RTL4: variants seen among roughly 807,000 people sequenced by gnomAD.
RTL4 encodes retrotransposon Gag-like protein 4.
In RTL4, 4 loss-of-function variants were observed where a neutral mutation model predicts 5.3. That is an observed-to-expected ratio of 0.75 (90% CI 0.37 to 1.72). RTL4 has a LOEUF of 1.72. Ranked by LOEUF, RTL4 falls within the 40% of genes most tolerant of loss-of-function variation. The probability of loss-of-function intolerance (pLI) is 0.04; values close to 1 mark genes in which losing one functional copy is unlikely to be tolerated. For synonymous variants in RTL4, 98 were observed against 87.3 expected (o/e 1.12, Z -0.68); for missense variants, 260 against 227.1 (o/e 1.14, Z -0.93).
the RTL4 span, among the ~76,000 whole-genome samples, chrX:112,258,210 G>A: frequency 1.8e-5 from 2 of 110,171 alleles, no homozygotes; most frequent in Non-Finnish European, 3.8e-5. Context: ...TGAAATTGGT[G>A]CATACATATC....
At chrX:112,437,613 G>C in the RTL4 span, among the ~76,000 whole-genome samples, 1 of 110,924 alleles carries the variant, frequency 9.0e-6, no homozygotes, top group Non-Finnish European at 1.9e-5. Flanking sequence ...AATAGACTTG[G>C]GTTTGAATCT....
chrX:112,320,080 C>T, the RTL4 span: 1 of 112,090 alleles, frequency 8.9e-6, no homozygotes. Flanking sequence ...CAAACTGAGA[C>T]ATATGCTGAG....
At chrX:112,177,223 C>G in the RTL4 span, among the ~76,000 whole-genome samples, 1 of 111,089 alleles carries the variant, frequency 9.0e-6, no homozygotes, top group African/African-American at 3.3e-5. Flanking sequence ...ATTGCTGGAT[C>G]ATATGGTTGT....
the RTL4 span, among the ~76,000 whole-genome samples, chrX:112,179,155 A>G: frequency 1.8e-5 from 2 of 111,167 alleles, no homozygotes; most frequent in Non-Finnish European, 3.8e-5. Context: ...TGTGGCCCAC[A>G]GTTCTTCATT....
At chrX:112,152,969 G>A in the RTL4 span, among the ~76,000 whole-genome samples, 106 of 111,512 alleles carry the variant, frequency 9.5e-4, no homozygotes, top group East Asian at 0.016. Flanking sequence ...TTGCCTAAAA[G>A]CATTCTAGAG....
At chrX:112,415,146 C>T in the RTL4 span, among the ~76,000 whole-genome samples, 2 of 111,177 alleles carry the variant, frequency 1.8e-5, no homozygotes, top group Non-Finnish European at 3.8e-5. Context: ...TCAAAATGAA[C>T]ACACTCATAT....
chrX:112,263,321 A>G, the RTL4 span, among the ~76,000 whole-genome samples: 506 of 111,048 alleles, frequency 4.6e-3, 4 homozygotes, highest in African/African-American at 0.016. Context: ...CTTGGAGCAC[A>G]ACACAGTTTG....
the RTL4 span, among the ~76,000 whole-genome samples, chrX:112,143,574 G>A: frequency 8.9e-6 from 1 of 111,759 alleles, no homozygotes; most frequent in East Asian, 2.8e-4. Context: ...AATCTATGAG[G>A]CATCACGTTT....
the RTL4 span, among the ~76,000 whole-genome samples, chrX:112,406,808 C>G: frequency 9.1e-6 from 1 of 110,344 alleles, no homozygotes; most frequent in Non-Finnish European, 1.9e-5. Flanking sequence ...TCTTGGATAG[C>G]AGCTCAGCCA....
the RTL4 span, among the ~76,000 whole-genome samples, chrX:112,417,654 G>A: frequency 1.8e-5 from 2 of 110,750 alleles, no homozygotes; most frequent in Non-Finnish European, 3.8e-5. Flanking sequence ...CTCCTGATTT[G>A]CCATGGTCTA....
At chrX:112,442,596 T>A in the RTL4 span, among the ~76,000 whole-genome samples, 6 of 110,728 alleles carry the variant, frequency 5.4e-5, no homozygotes, top group Non-Finnish European at 1.1e-4. Flanking sequence ...ATGTAAAGTA[T>A]ACCACCAATA....
the RTL4 span, among the ~76,000 whole-genome samples, chrX:112,155,490 A>G: frequency 9.0e-6 from 1 of 111,447 alleles, no homozygotes; most frequent in Non-Finnish European, 1.9e-5. Context: ...TACAGGTCAA[A>G]TAATGACAGT....
At chrX:112,386,483 G>A in the RTL4 span, among the ~76,000 whole-genome samples, 22 of 110,523 alleles carry the variant, frequency 2.0e-4, no homozygotes, top group African/African-American at 7.2e-4. Context: ...AACCCAATTT[G>A]TAGTCTTTTA....
At chrX:112,393,234 C>T in the RTL4 span, among the ~76,000 whole-genome samples, 1 of 97,124 alleles carries the variant, frequency 1.0e-5, no homozygotes, top group Non-Finnish European at 2.0e-5. Flanking sequence ...AGTGCAGTGG[C>T]GCGATCTCGG....
chrX:112,197,565 C>T, the RTL4 span, among the ~76,000 whole-genome samples: 1 of 111,656 alleles, frequency 9.0e-6, no homozygotes, highest in East Asian at 2.8e-4. Flanking sequence ...AGTCTTTTCT[C>T]TTGCTAAGCT....
At chrX:112,173,400 TA>T in the RTL4 span, among the ~76,000 whole-genome samples, 1 of 111,423 alleles carries the variant, frequency 9.0e-6, no homozygotes, top group African/African-American at 3.3e-5. Context: ...ATCTGGGTCC[TA>T]ATCCCAGCTC....
chrX:112,239,794 G>A, the RTL4 span, among the ~76,000 whole-genome samples: 688 of 111,558 alleles, frequency 6.2e-3, 3 homozygotes, highest in Middle Eastern at 9.2e-3. Context: ...CACAGAAACT[G>A]AATAACCATT....
chrX:112,393,708 A>T, the RTL4 span, among the ~76,000 whole-genome samples: 1 of 112,031 alleles, frequency 8.9e-6, no homozygotes, highest in Middle Eastern at 4.2e-3. Flanking sequence ...GATGGCGGCA[A>T]ACTCCCTCCC....
the RTL4 span, among the ~76,000 whole-genome samples, chrX:112,190,466 A>C: frequency 9.0e-6 from 1 of 110,856 alleles, no homozygotes; most frequent in African/African-American, 3.3e-5. Context: ...CCAAAGGACA[A>C]TGTCTAATTC....
Sources: gnomAD v4.1 joint callset for allele counts (sites outside exome capture counted in the v4.1 genomes callset) on GRCh38, gnomAD v4.1.1 for gene constraint, MANE v1.5 for transcripts, NCBI Gene and HGNC (gene_info 2026-07-23, HGNC 2026-07-21) for gene names.